SPATA22: variants seen among roughly 807,000 people sequenced by gnomAD.
SPATA22 encodes spermatogenesis-associated protein 22.
SPATA22 carries 29 observed loss-of-function variants against 47.8 expected under a neutral mutation model. That is an observed-to-expected ratio of 0.61 (90% CI 0.45 to 0.83). The LOEUF is 0.83. Among genes scored for constraint, SPATA22 ranks in the 40% least tolerant of loss-of-function variants. The probability of loss-of-function intolerance (pLI) is 0.00; values close to 1 mark genes in which losing one functional copy is unlikely to be tolerated. For synonymous variants in SPATA22, 133 were observed against 140.9 expected (o/e 0.94, Z 0.40); for missense variants, 410 against 421.7 (o/e 0.97, Z 0.24).
In SPATA22 at chr17:3,462,730, A is replaced by G. The variant is rs769622922; in HGVS notation, c.210T>C (p.Pro70=). Reference sequence around the variant, plus strand: ...ACCCGGTGTCCACTGTTTTCATTACAGGAGCCAACTCTGGATTCACAGCTT... The same window carrying G: ...ACCCGGTGTCCACTGTTTTCATTACGGGAGCCAACTCTGGATTCACAGCTT... ...AWEAVNPELA[P]VMKTVDTGQI... Residue 70 remains proline, a synonymous_variant, in exon 4 of 9, where the codon CCT becomes CCC. Transcript: ENST00000572969. The G allele has an allele frequency of 6.2e-7, 1 of 1,613,676 alleles. No homozygotes were observed.
intron 3 of SPATA22, among the ~76,000 whole-genome samples, chr17:3,465,144 G>A (rs1210165648): frequency 3.4e-5 from 4 of 117,228 alleles, no homozygotes; most frequent in Admixed American, 9.0e-5. Context: ...CACCCCGTCC[G>A]GGAGGGAGGT....
chr17:3,465,017 T>G (rs2073255964), intron 3 of SPATA22, among the ~76,000 whole-genome samples: 2 of 103,918 alleles, frequency 1.9e-5, no homozygotes, highest in Non-Finnish European at 4.1e-5. Flanking sequence ...GGGAGGGAGG[T>G]GGGGGGGTCA....
intron 1 of SPATA22, among the ~76,000 whole-genome samples, chr17:3,469,968 C>A (rs1015395079): frequency 6.6e-6 from 1 of 151,996 alleles, no homozygotes; most frequent in Non-Finnish European, 1.5e-5. Context: ...TGGCGGGCGC[C>A]TGTAATCCCA....
At chr17:3,499,285 T>C in intron 1 of SPATA22, 1 of 492,542 alleles carries the variant, frequency 2.0e-6, no homozygotes, top group Non-Finnish European at 3.5e-6. Context: ...ATGTAGCTTA[T>C]TCAAAGAAGT....
chr17:3,505,640 T>C (rs1287753672), intron 1 of SPATA22, among the ~76,000 whole-genome samples: 1 of 152,124 alleles, frequency 6.6e-6, no homozygotes, highest in Non-Finnish European at 1.5e-5. Flanking sequence ...GGGTCATGGA[T>C]GTTCCAGGGC....
At chr17:3,501,106 T>C (rs935010731) in intron 1 of SPATA22, 11 of 152,244 alleles carry the variant, frequency 7.2e-5, no homozygotes, top group African/African-American at 2.6e-4. Context: ...TCATTGTGAC[T>C]TTCAAATCTA....
intron 1 of SPATA22, chr17:3,481,730 A>G: frequency 4.3e-6 from 7 of 1,613,628 alleles, no homozygotes; most frequent in Non-Finnish European, 5.1e-6. Flanking sequence ...CACCTCTAAC[A>G]TGGGGTGCAC....
chr17:3,478,316 A>T (rs1299146825), intron 1 of SPATA22, among the ~76,000 whole-genome samples: 1 of 152,236 alleles, frequency 6.6e-6, no homozygotes, highest in African/African-American at 2.4e-5. Flanking sequence ...AGATCAAAAC[A>T]TGGACACTAC....
chr17:3,498,722 G>A (rs750371324), intron 1 of SPATA22, among the ~76,000 whole-genome samples: 7 of 152,130 alleles, frequency 4.6e-5, no homozygotes, highest in Non-Finnish European at 8.8e-5. Context: ...CAAAATTCAC[G>A]ACCCAATGTC....
chr17:3,509,297 C>CCT (rs1355519090), intron 1 of SPATA22, among the ~76,000 whole-genome samples: 1 of 152,094 alleles, frequency 6.6e-6, no homozygotes, highest in African/African-American at 2.4e-5. Context: ...ATTGATCCAT[C>CCT]CTCTAAGTTC....
chr17:3,487,058 TTATG>T lies in SPATA22; in HGVS notation c.-73-17664_-73-17661del, dbSNP rs199549158. Among the ~76,000 whole-genome samples, 894 of 137,362 alleles carry T rather than the reference TTATG, an allele frequency of 6.5e-3. 9 individuals are homozygous for T. Among genetic ancestry groups the T allele is most frequent in the African/African-American group, 0.023 (843 of 36,350 alleles). The allele number at this position is 137,362 out of a possible 152,430, so 90.1% of individuals were successfully genotyped here. On this transcript the variant is annotated intron_variant, in intron 1 of 8. Transcript: ENST00000541913. ...CCCATATTTGTGTGTGTGTGTGTGT[TTATG>T]TGTGTGTGTGCGTGTGTGTGTGTGA... is the stretch of plus-strand genomic sequence containing the variant.
intron 1 of SPATA22, among the ~76,000 whole-genome samples, chr17:3,505,213 A>G (rs2074029804): frequency 6.6e-6 from 1 of 152,252 alleles, no homozygotes; most frequent in Non-Finnish European, 1.5e-5. Flanking sequence ...CATTGCCAGT[A>G]CTAGACTGGC....
At chr17:3,483,401 T>C in intron 1 of SPATA22, 1 of 1,006,502 alleles carries the variant, frequency 9.9e-7, no homozygotes, top group African/African-American at 1.6e-5. Flanking sequence ...TCTTAGTTGA[T>C]GAAGTAAAAC....
intron 1 of SPATA22, among the ~76,000 whole-genome samples, chr17:3,478,351 T>C (rs892307181): frequency 6.6e-6 from 1 of 152,208 alleles, no homozygotes; most frequent in Admixed American, 6.5e-5. Flanking sequence ...TGCCTCACTT[T>C]ATGGAATAGA....
intron 1 of SPATA22, among the ~76,000 whole-genome samples, chr17:3,484,063 A>G (rs1223650363): frequency 6.6e-6 from 1 of 152,144 alleles, no homozygotes; most frequent in East Asian, 1.9e-4. Flanking sequence ...ATTGTACCGA[A>G]TTTCCCCAAT....
At chr17:3,505,762 T>G (rs1276193224) in intron 1 of SPATA22, among the ~76,000 whole-genome samples, 23 of 23,682 alleles carry the variant, frequency 9.7e-4, no homozygotes, top group South Asian at 5.8e-3. Flanking sequence ...TTTTGTTTTT[T>G]TTTTTTTGTT....
chr17:3,446,628 T>C (rs780690386), intron 6 of SPATA22, 27 bp from the exon 7 acceptor site: 1 of 1,469,100 alleles, frequency 6.8e-7, no homozygotes, highest in Non-Finnish European at 9.2e-7. Context: ...AAACATAGTA[T>C]TAGAAAAATA....
intron 1 of SPATA22, among the ~76,000 whole-genome samples, chr17:3,492,353 C>T (rs1363646563): frequency 1.3e-5 from 2 of 152,230 alleles, no homozygotes; most frequent in African/African-American, 4.8e-5. Flanking sequence ...CAAAAACATA[C>T]TCCTTTGTGT....
chr17:3,464,817 C>T (rs1412996880), intron 3 of SPATA22, among the ~76,000 whole-genome samples: 112 of 125,134 alleles, frequency 9.0e-4, no homozygotes, highest in African/African-American at 1.4e-3. Flanking sequence ...GGAGCCCCTC[C>T]GCCCGGCAGC....
Sources: gnomAD v4.1 joint callset for allele counts (sites outside exome capture counted in the v4.1 genomes callset) on GRCh38, gnomAD v4.1.1 for gene constraint, MANE v1.5 for transcripts, NCBI Gene and HGNC (gene_info 2026-07-23, HGNC 2026-07-21) for gene names.